THSD7A: variants seen among roughly 807,000 people sequenced by gnomAD.
THSD7A encodes the protein thrombospondin type 1 domain containing 7A, also known as thrombospondin type-1 domain-containing protein 7A.
A neutral mutation model predicts 231.3 loss-of-function variants in THSD7A; 96 were observed. The ratio of observed to expected loss-of-function variants is 0.41; its 90% CI spans 0.35 to 0.49. THSD7A has a LOEUF of 0.49. Ranked by LOEUF, THSD7A falls within the 20% of genes least tolerant of loss-of-function variation. The pLI, the probability that THSD7A is intolerant of heterozygous loss-of-function variation, is 0.05. For synonymous variants in THSD7A, 940 were observed against 743.3 expected, an observed-to-expected ratio of 1.26 and a Z score of -4.30; for missense variants, 2,290 against 2,070.2, an observed-to-expected ratio of 1.11 and a Z score of -2.06.
chr7:11,461,779 A>G (rs1583785707), intron 10 of THSD7A, among the ~76,000 whole-genome samples: 1 of 152,176 alleles, frequency 6.6e-6, no homozygotes, highest in African/African-American at 2.4e-5. Context: ...AAACTACTGG[A>G]GCTAACACGT....
intron 7 of THSD7A, among the ~76,000 whole-genome samples, chr7:11,477,759 T>C (rs1319340610): frequency 1.3e-5 from 2 of 152,190 alleles, no homozygotes; most frequent in African/African-American, 4.8e-5. Flanking sequence ...TCTCAAAGTT[T>C]CCCTTGTTCC....
At chr7:11,585,887 G>T (rs1584029971) in intron 4 of THSD7A, among the ~76,000 whole-genome samples, 1 of 152,106 alleles carries the variant, frequency 6.6e-6, no homozygotes. Flanking sequence ...GCAGACATGG[G>T]AGGAACATGC....
chr7:11,734,946 A>G (rs1781859740), intron 1 of THSD7A, among the ~76,000 whole-genome samples: 1 of 151,948 alleles, frequency 6.6e-6, no homozygotes, highest in African/African-American at 2.4e-5. Context: ...ATTTGATTAT[A>G]TTATTTTTAC....
At chr7:11,688,828 G>A (rs1208109611) in intron 1 of THSD7A, among the ~76,000 whole-genome samples, 3 of 151,766 alleles carry the variant, frequency 2.0e-5, no homozygotes, top group African/African-American at 7.3e-5. Context: ...CACTCATCTT[G>A]CATTATCTCA....
chr7:11,593,470 A>C lies in THSD7A; in HGVS notation c.1055T>G (p.Phe352Cys). The change falls in exon 3 of 28, where the codon TTC becomes TGC. Residue 352 changes from phenylalanine to cysteine, a missense_variant. Transcript: ENST00000423059. Reference protein sequence around the residue: ...FCQQEKLPMTFQSCVITKECQ... With the variant: ...FCQQEKLPMTCQSCVITKECQ... ...CTCTTTGGTGATCACACAGGACTGG[A>C]AGGTCATTGGAAGCTTCTCTTGCTG... 1 of 1,613,994 alleles carries C rather than the reference A, an allele frequency of 6.2e-7. No homozygotes were observed. Among genetic ancestry groups the C allele is most frequent in the South Asian group, 1.1e-5 (1 of 91,084 alleles).
At chr7:11,435,810 A>G (rs1583736276) in intron 13 of THSD7A, among the ~76,000 whole-genome samples, 1 of 151,854 alleles carries the variant, frequency 6.6e-6, no homozygotes, top group African/African-American at 2.4e-5. Flanking sequence ...GAAGTCAGAA[A>G]TTTGCAGCCA....
intron 1 of THSD7A, among the ~76,000 whole-genome samples, chr7:11,797,195 C>T (rs558652877): frequency 3.3e-5 from 5 of 152,178 alleles, no homozygotes; most frequent in African/African-American, 9.6e-5. Context: ...CTTCTGTCCT[C>T]TAACAGAAAT....
At chr7:11,434,754 GA>G (rs35763283) in intron 13 of THSD7A, among the ~76,000 whole-genome samples, 1 of 150,246 alleles carries the variant, frequency 6.7e-6, no homozygotes, top group Non-Finnish European at 1.5e-5. Context: ...TCACAGGCTG[GA>G]AAAAGTTGAA....
chr7:11,617,316 T>C (rs1353077272), intron 2 of THSD7A, among the ~76,000 whole-genome samples: 1 of 152,236 alleles, frequency 6.6e-6, no homozygotes, highest in African/African-American at 2.4e-5. Flanking sequence ...TGCTCAGGTA[T>C]ATCAATCTAA....
chr7:11,475,607 AC>A, intron 7 of THSD7A, among the ~76,000 whole-genome samples: 1 of 147,666 alleles, frequency 6.8e-6, no homozygotes, highest in South Asian at 2.1e-4. Flanking sequence ...CATATATATA[AC>A]ATATATAACA....
chr7:11,383,518 T>C (rs1485441318), intron 23 of THSD7A, among the ~76,000 whole-genome samples: 2 of 151,930 alleles, frequency 1.3e-5, no homozygotes, highest in African/African-American at 4.8e-5. Flanking sequence ...ATATTGCCCA[T>C]TTTTTTCCTG....
chr7:11,685,952 T>C (rs1780036287), intron 1 of THSD7A, among the ~76,000 whole-genome samples: 1 of 151,834 alleles, frequency 6.6e-6, no homozygotes, highest in Non-Finnish European at 1.5e-5. Flanking sequence ...CAATAGCAAA[T>C]ACATGGAACC....
At chr7:11,769,135 A>ATTTTTT (rs1562541189) in intron 1 of THSD7A, among the ~76,000 whole-genome samples, 10 of 36,612 alleles carry the variant, frequency 2.7e-4, no homozygotes, top group Non-Finnish European at 4.3e-4. Flanking sequence ...ATATATATAT[A>ATTTTTT]TATATATATA....
intron 4 of THSD7A, among the ~76,000 whole-genome samples, chr7:11,566,143 T>C (rs12540394): frequency 1.3e-5 from 2 of 151,334 alleles, no homozygotes; most frequent in Admixed American, 1.3e-4. Flanking sequence ...AGTGTCAACA[T>C]TGCCCACAGA....
chr7:11,561,762 G>C (rs1207628768), intron 4 of THSD7A, among the ~76,000 whole-genome samples: 11 of 152,146 alleles, frequency 7.2e-5, no homozygotes, highest in Non-Finnish European at 1.5e-4. Context: ...TGAGGCACAA[G>C]AATTGCTTGA....
chr7:11,810,144 A>T (rs1458740960), intron 1 of THSD7A, among the ~76,000 whole-genome samples: 1 of 152,172 alleles, frequency 6.6e-6, no homozygotes, highest in African/African-American at 2.4e-5. Context: ...AGAAAGAACA[A>T]GAGGTAAAAC....
At chr7:11,449,318 C>A (rs1785072285) in intron 11 of THSD7A, among the ~76,000 whole-genome samples, 1 of 151,998 alleles carries the variant, frequency 6.6e-6, no homozygotes, top group Non-Finnish European at 1.5e-5. Flanking sequence ...AAAAAGAGTT[C>A]CATAATCTGG....
At chr7:11,510,620 A>G (rs1169004829) in intron 6 of THSD7A, among the ~76,000 whole-genome samples, 1 of 152,242 alleles carries the variant, frequency 6.6e-6, no homozygotes, top group Non-Finnish European at 1.5e-5. Context: ...CTGGTTCAAC[A>G]TACACGAATC....
intron 6 of THSD7A, among the ~76,000 whole-genome samples, chr7:11,520,912 C>G (rs1357092133): frequency 6.6e-6 from 1 of 152,072 alleles, no homozygotes; most frequent in African/African-American, 2.4e-5. Flanking sequence ...TCAATTTTAG[C>G]CATGGCAACA....
Sources: allele counts gnomAD v4.1 joint callset (sites outside exome capture counted in the v4.1 genomes callset), GRCh38; gene constraint gnomAD v4.1.1; transcripts MANE v1.5; gene names NCBI Gene and HGNC (gene_info 2026-07-23, HGNC 2026-07-21).